The following GHITM variants were observed in gnomAD, a reference collection of about 807,000 sequenced individuals.
The protein encoded by GHITM is growth hormone inducible transmembrane protein.
Under a neutral mutation model 38.7 loss-of-function variants are expected in GHITM, and 24 were observed. That is an observed-to-expected ratio of 0.62 (90% CI 0.45 to 0.87). The LOEUF (loss-of-function observed/expected upper bound fraction) is 0.87. Ranked by LOEUF, GHITM falls within the 40% of genes least tolerant of loss-of-function variation. GHITM has a pLI of 0.00. For synonymous variants in GHITM, 154 were observed against 147.8 expected, an observed-to-expected ratio of 1.04 and a Z score of -0.30; for missense variants, 420 against 429.8, an observed-to-expected ratio of 0.98 and a Z score of 0.20.
chr10:84,149,666 A>C (rs1365761759), intron 6 of GHITM, among the ~76,000 whole-genome samples: 1 of 152,196 alleles, frequency 6.6e-6, no homozygotes, highest in Non-Finnish European at 1.5e-5. Context: ...GTTTATCATC[A>C]TATGCTTTCC....
intron 5 of GHITM, among the ~76,000 whole-genome samples, chr10:84,146,303 T>C (rs1350840886): frequency 6.6e-6 from 1 of 152,192 alleles, no homozygotes; most frequent in Non-Finnish European, 1.5e-5. Flanking sequence ...GCGTGATTTA[T>C]ATTTGAGTTT....
chr10:84,149,546 G>A (rs200083065), intron 6 of GHITM, among the ~76,000 whole-genome samples: 28 of 10,392 alleles, frequency 2.7e-3, no homozygotes, highest in African/African-American at 4.2e-3. Flanking sequence ...AATTTTTTAC[G>A]AAATTGTTTA....
chr10:84,150,272 C>G (rs1841598259), intron 7 of GHITM, 29 bp downstream of exon 7: 1 of 1,495,430 alleles, frequency 6.7e-7, no homozygotes, highest in Non-Finnish European at 9.1e-7. Context: ...ACACTTAATT[C>G]TTGGTGCATA....
At position 84,139,531 on chromosome 10, in the gene GHITM, C is replaced by T. The variant is rs1485598590; in HGVS notation, c.-102C>T. 6.6e-6 allele frequency: 1 copy of T among 152,294 alleles called. No homozygotes were observed. The highest frequency in any genetic ancestry group is 1.5e-5 in the Non-Finnish European group (1 of 68,090). 9.4% of individuals were successfully genotyped at this position (152,294 alleles called of 1,614,324 possible). A position where few individuals can be genotyped will look rare whatever the true frequency, so the allele number is the denominator to read the frequency against. On this transcript the variant is annotated 5_prime_UTR_variant, in exon 1 of 9. Coordinates refer to ENST00000372134, the MANE Select transcript of GHITM (RefSeq NM_014394.3). ...TGCAGTGCGCCGGAGGAACTGTGCT[C>T]TTTGAGGCCGACGCTAGGGGCCCGG...
In GHITM at chr10:84,150,089, A is replaced by G. The variant is rs553107975; in HGVS notation, c.627A>G (p.Ile209Met). ...VMGAVVAPLT[I>M]LGGPLLIRAA... ...GTGCAGTGGTGGCTCCTCTGACAATATTAGGGGGTCCTCTTCTCATCAGAG... is the reference window on the plus strand; with the variant it reads ...GTGCAGTGGTGGCTCCTCTGACAATGTTAGGGGGTCCTCTTCTCATCAGAG... Residue 209 changes from isoleucine (I) to methionine (M), a missense_variant, in exon 7 of 9, where the codon ATA (isoleucine) becomes ATG (methionine). Transcript: ENST00000372134. 3 of 1,608,194 alleles carry G rather than the reference A, an allele frequency of 1.9e-6. No individual in the cohort carries two copies. In the East Asian group the frequency reaches 6.7e-5, roughly 36 times the overall value.
At chr10:84,148,883 CT>C in intron 6 of GHITM, 45 bp downstream of exon 6, 8 of 1,159,912 alleles carry the variant, frequency 6.9e-6, no homozygotes, top group Non-Finnish European at 9.1e-6. Context: ...TGACTACCAC[CT>C]TTTTTGGGTG....
intron 1 of GHITM, chr10:84,140,480 T>C (rs1841495582): frequency 6.6e-6 from 1 of 152,204 alleles, no homozygotes; most frequent in African/African-American, 2.4e-5. Flanking sequence ...TCCGGGGCAC[T>C]TTCAAGCAGG....
chr10:84,142,565 G>A (rs534794862), intron 2 of GHITM, 90 bp from the exon 3 acceptor site: 1 of 682,310 alleles, frequency 1.5e-6, no homozygotes, highest in Non-Finnish European at 2.4e-6. Flanking sequence ...TTTAACTAGA[G>A]TTTTCTAGTG....
In GHITM at chr10:84,150,786, T is replaced by C; in HGVS notation, c.859T>C (p.Phe287Leu). The C allele has an allele frequency of 1.6e-5, 26 of 1,612,754 alleles. No individual in the cohort carries two copies. The highest frequency in any genetic ancestry group is 2.2e-5 in the Non-Finnish European group (26 of 1,178,786). Residue 287 changes from phenylalanine to leucine, a missense_variant, in exon 8 of 9, where the codon TTC becomes CTC. Physicochemically the swap from Phe to Leu is conservative, Grantham distance 22. Transcript: ENST00000372134. The part of the protein sequence containing the change: ...SVAMYGGLVL[F>L]SMFLLYDTQK... ...GGCAATGTACGGTGGATTAGTTCTT[T>C]TCAGCATGTTCCTTCTGTATGATAC... is the stretch of plus-strand genomic sequence containing the variant.
intron 7 of GHITM, 84 bp downstream of exon 7, chr10:84,150,327 C>A: frequency 9.4e-7 from 1 of 1,063,776 alleles, no homozygotes; most frequent in South Asian, 2.2e-5. Context: ...TTGATTGAGT[C>A]ATTTATTTTA....
In GHITM at chr10:84,141,533, A is replaced by G. The variant is rs770893432; in HGVS notation, c.33A>G (p.Thr11=). Residue 11 remains threonine, a synonymous_variant, in exon 2 of 9, where the codon ACA becomes ACG. Transcript: ENST00000372134. ...CTGCAAGGCTGGTGTGTCTCCGGAC[A>G]CTACCTTCTAGGGTTTTCCACCCAG... MLAARLVCLR[T]LPSRVFHPAF... 5 of 1,613,704 alleles carry G rather than the reference A, an allele frequency of 3.1e-6. No homozygotes were observed. The highest frequency in any genetic ancestry group is 2.2e-5 in the East Asian group (1 of 44,900).
At position 84,150,157 on chromosome 10, in the gene GHITM, T is replaced by G. The variant is rs1360142528; in HGVS notation, c.695T>G (p.Val232Gly). The G allele has an allele frequency of 1.2e-6, 2 of 1,614,046 alleles. No homozygotes were observed. Among genetic ancestry groups the G allele is most frequent in the South Asian group, 2.2e-5 (2 of 91,088 alleles). ...GGCATTGTGGGAGGCCTCTCCACTG[T>G]GGCCATGTGTGCGCCCAGTGAAAAG... Reference protein sequence around the residue: ...TAGIVGGLSTVAMCAPSEKFL... With the variant: ...TAGIVGGLSTGAMCAPSEKFL... Residue 232 changes from valine (V) to glycine (G), a missense_variant, in exon 7 of 9, where the codon GTG (valine) becomes GGG (glycine). Transcript: ENST00000372134.
Position 84,150,110 on chromosome 10 carries a change from C to G in GHITM, c.648C>G (p.Ile216Met). The change falls in exon 7 of 9, where the codon ATC (isoleucine) becomes ATG (methionine). Residue 216 changes from isoleucine (I) to methionine (M), a missense_variant. Transcript: ENST00000372134. The part of the protein sequence containing the change: ...PLTILGGPLL[I>M]RAAWYTAGIV... ...CAATATTAGGGGGTCCTCTTCTCAT[C>G]AGAGCTGCATGGTACACAGCTGGCA... The G allele has an allele frequency of 1.9e-6, 3 of 1,612,976 alleles. No individual in the cohort carries two copies. The highest frequency in any genetic ancestry group is 3.3e-4 in the Middle Eastern group (2 of 6,058).
At position 84,150,750 on chromosome 10, in the gene GHITM, CTT is replaced by C; in HGVS notation, c.825_826del (p.Tyr276LeufsTer18). 6.2e-7 allele frequency: 1 copy of C among 1,611,932 alleles called. No homozygotes were observed. Among genetic ancestry groups the C allele is most frequent in the South Asian group, 1.1e-5 (1 of 90,976 alleles). ...LPPTTVAGATLYSVAMYGGLV... is the reference protein window; with the variant it reads ...LPPTTVAGATXYSVAMYGGLV... Reference sequence around the variant, plus strand: ...ACCTACCACCGTGGCTGGTGCCACTCTTTACTCAGTGGCAATGTACGGTGGAT... The same window carrying C: ...ACCTACCACCGTGGCTGGTGCCACTCTACTCAGTGGCAATGTACGGTGGAT... On this transcript the variant is annotated frameshift_variant, in exon 8 of 9. Transcript: ENST00000372134. LOFTEE classifies it high-confidence loss of function.
rs984689938 is a variant in GHITM, at chr10:84,141,586, A to G, written c.86A>G (p.Lys29Arg). 1.2e-6 allele frequency: 2 copies of G among 1,613,572 alleles called. No homozygotes were observed. Among genetic ancestry groups the G allele is most frequent in the Non-Finnish European group, 1.7e-6 (2 of 1,179,540 alleles). The change falls in exon 2 of 9, where the codon AAG (lysine) becomes AGG (arginine). Residue 29 changes from lysine to arginine, a missense_variant. Physicochemically the swap from Lys to Arg is conservative, Grantham distance 26 (BLOSUM62 2). Transcript: ENST00000372134. ...PAFTKASPVVKNSITKNQWLL... is the reference protein window; with the variant it reads ...PAFTKASPVVRNSITKNQWLL... Reference sequence around the variant, plus strand: ...TTCACCAAGGCCTCCCCTGTTGTGAAGAATTCCATCACGAAGAATCAATGG... The same window carrying G: ...TTCACCAAGGCCTCCCCTGTTGTGAGGAATTCCATCACGAAGAATCAATGG...
chr10:84,150,021 G>A, intron 6 of GHITM, 34 bp from the exon 7 acceptor site: 1 of 1,432,542 alleles, frequency 7.0e-7, no homozygotes. Flanking sequence ...TTGTTATTTA[G>A]TAAATACTTA....
chr10:84,142,615 T>A, intron 2 of GHITM, 40 bp from the exon 3 acceptor site: 1 of 1,247,124 alleles, frequency 8.0e-7, no homozygotes, highest in Non-Finnish European at 1.2e-6. Flanking sequence ...CGTTCTGTTT[T>A]CATGTGGGTG....
chr10:84,148,582 C>T, intron 5 of GHITM, 148 bp from the exon 6 acceptor site: 1 of 580,548 alleles, frequency 1.7e-6, no homozygotes, highest in South Asian at 2.0e-5. Flanking sequence ...AGGCGTGAGC[C>T]ACCACGCCTG....
At chr10:84,140,632 T>A (rs1841497003) in intron 1 of GHITM, 2 of 152,130 alleles carry the variant, frequency 1.3e-5, no homozygotes, top group African/African-American at 4.8e-5. Flanking sequence ...TGGTTTACAC[T>A]CGTCATTTCA....
Sources: gnomAD v4.1 joint callset for allele counts (sites outside exome capture counted in the v4.1 genomes callset) on GRCh38, gnomAD v4.1.1 for gene constraint, MANE v1.5 for transcripts, NCBI Gene and HGNC (gene_info 2026-07-23, HGNC 2026-07-21) for gene names.